The following CPNE8 variants were observed in gnomAD, a reference collection of about 807,000 sequenced individuals.
CPNE8 encodes copine-8.
Under a neutral mutation model 81.5 loss-of-function variants are expected in CPNE8, and 45 were observed. The observed-to-expected ratio is 0.55, with a 90% CI of 0.44 to 0.71. The LOEUF is 0.71. CPNE8 is among the 30% of genes least tolerant of loss of function. The probability of loss-of-function intolerance (pLI) is 0.00; values close to 1 mark genes in which losing one functional copy is unlikely to be tolerated. For missense variants in CPNE8, 594 were observed against 672.1 expected, an observed-to-expected ratio of 0.88 and a Z score of 1.28; for synonymous variants, 252 against 226.3, an observed-to-expected ratio of 1.11 and a Z score of -1.02.
chr12:38,676,601 T>A (rs986993293), intron 17 of CPNE8, among the ~76,000 whole-genome samples: 3 of 152,214 alleles, frequency 2.0e-5, no homozygotes, highest in Non-Finnish European at 4.4e-5. Context: ...AGTACTGTTA[T>A]GCACTAAATA....
intron 10 of CPNE8, among the ~76,000 whole-genome samples, chr12:38,738,637 C>T (rs1439032031): frequency 6.6e-6 from 1 of 152,058 alleles, no homozygotes; most frequent in African/African-American, 2.4e-5. Context: ...TATTTGACAA[C>T]TCAGATCTTT....
At chr12:38,902,383 AAGAAAGAAAG>A in intron 1 of CPNE8, among the ~76,000 whole-genome samples, 1 of 86,622 alleles carries the variant, frequency 1.2e-5, no homozygotes, top group South Asian at 3.4e-4. Context: ...AAAGAAAGAA[AAGAAAGAAAG>A]AGAAAGAAAG....
intron 3 of CPNE8, among the ~76,000 whole-genome samples, chr12:38,863,065 A>G (rs1163740625): frequency 2.0e-5 from 3 of 152,234 alleles, no homozygotes; most frequent in Non-Finnish European, 4.4e-5. Flanking sequence ...TGATTATTGA[A>G]AAGACTAATA....
intron 2 of CPNE8, 80 bp downstream of exon 2, chr12:38,874,391 C>A (rs565872911): frequency 9.4e-6 from 10 of 1,060,968 alleles, no homozygotes; most frequent in Non-Finnish European, 1.5e-5. Context: ...TTAAAACAAA[C>A]CTTTAAACAA....
intron 5 of CPNE8, among the ~76,000 whole-genome samples, chr12:38,839,222 CA>C (rs1175326593): frequency 2.0e-5 from 3 of 152,028 alleles, no homozygotes; most frequent in Non-Finnish European, 4.4e-5. Flanking sequence ...TGGATTAGCA[CA>C]ATGTTTCGCT....
chr12:38,866,394 G>A (rs558879390), intron 3 of CPNE8, among the ~76,000 whole-genome samples: 1 of 152,274 alleles, frequency 6.6e-6, no homozygotes, highest in South Asian at 2.1e-4. Flanking sequence ...CAGTTGTTCT[G>A]CAACATGCAT....
intron 4 of CPNE8, 142 bp downstream of exon 4, chr12:38,848,417 T>C: frequency 7.5e-7 from 1 of 1,331,032 alleles, no homozygotes; most frequent in Non-Finnish European, 9.7e-7. Context: ...GGGGGCTTGC[T>C]TGGGCCACAC....
chr12:38,791,960 T>G (rs1942333478), intron 6 of CPNE8, among the ~76,000 whole-genome samples: 2 of 149,594 alleles, frequency 1.3e-5, no homozygotes, highest in Non-Finnish European at 1.5e-5. Context: ...AAGTAGAAAT[T>G]AACACATTTT....
chr12:38,789,556 G>C (rs956837025), intron 6 of CPNE8, among the ~76,000 whole-genome samples: 1 of 151,360 alleles, frequency 6.6e-6, no homozygotes, highest in Non-Finnish European at 1.5e-5. Context: ...AATTTCTTAG[G>C]TAATATCCCA....
chr12:38,902,125 G>T (rs1352135744), intron 1 of CPNE8, among the ~76,000 whole-genome samples: 1 of 148,746 alleles, frequency 6.7e-6, no homozygotes, highest in Non-Finnish European at 1.5e-5. Context: ...AATGATAGGG[G>T]ACAGTGAAAG....
chr12:38,754,529 T>G (rs1429543346), intron 10 of CPNE8, among the ~76,000 whole-genome samples: 2 of 151,976 alleles, frequency 1.3e-5, no homozygotes, highest in Non-Finnish European at 2.9e-5. Flanking sequence ...GAGTGCTCAA[T>G]AACAATTTCT....
intron 13 of CPNE8, among the ~76,000 whole-genome samples, chr12:38,713,727 G>A (rs146568516): frequency 5.3e-5 from 8 of 152,216 alleles, no homozygotes; most frequent in Admixed American, 2.6e-4. Flanking sequence ...TTAAAATTAT[G>A]TCTCTTTGAA....
intron 6 of CPNE8, among the ~76,000 whole-genome samples, chr12:38,791,466 GA>G (rs1449071845): frequency 1.3e-5 from 2 of 151,080 alleles, no homozygotes; most frequent in Admixed American, 6.6e-5. Flanking sequence ...CTTATTGGTT[GA>G]AAAAAAGGAA....
At chr12:38,721,999 A>G (rs1940577030) in intron 13 of CPNE8, among the ~76,000 whole-genome samples, 2 of 152,118 alleles carry the variant, frequency 1.3e-5, no homozygotes, top group Middle Eastern at 3.2e-3. Flanking sequence ...CAGGCGTGGG[A>G]TGCAGGCTGG....
At chr12:38,902,194 G>C (rs1365209318) in intron 1 of CPNE8, among the ~76,000 whole-genome samples, 2 of 105,628 alleles carry the variant, frequency 1.9e-5, no homozygotes, top group Admixed American at 2.0e-4. Flanking sequence ...AAAGAAAAGA[G>C]AAAGAGAAAA....
At position 38,703,771 on chromosome 12, in the gene CPNE8, A is replaced by G. The variant is rs146278321; in HGVS notation, c.915-850T>C. Among the ~76,000 whole-genome samples the G allele has an allele frequency of 4.7e-4, 72 of 152,286 alleles. 2 individuals carry two copies. The East Asian group carries it at 0.014, about 29-fold the overall frequency. ...GTTTCAGGATACAAAATCATGTACAAAAATCAGTAGCTTGTTTATATACCA... is the reference window on the plus strand; with the variant it reads ...GTTTCAGGATACAAAATCATGTACAGAAATCAGTAGCTTGTTTATATACCA... On this transcript the variant is annotated intron_variant, in intron 13 of 19. Transcript: ENST00000331366.
At chr12:38,714,844 T>G (rs1019174658) in intron 13 of CPNE8, among the ~76,000 whole-genome samples, 1 of 152,042 alleles carries the variant, frequency 6.6e-6, no homozygotes, top group Non-Finnish European at 1.5e-5. Flanking sequence ...ACAATCAAGC[T>G]GGTATTTTCA....
At chr12:38,705,410 C>A (rs1407376753) in intron 13 of CPNE8, among the ~76,000 whole-genome samples, 1 of 152,052 alleles carries the variant, frequency 6.6e-6, no homozygotes, top group Non-Finnish European at 1.5e-5. Context: ...CCTACGGAAA[C>A]AACAACCTTT....
chr12:38,697,093 A>G (rs1201107534), intron 14 of CPNE8, among the ~76,000 whole-genome samples: 3 of 152,202 alleles, frequency 2.0e-5, no homozygotes, highest in African/African-American at 7.2e-5. Context: ...AATGATTGTT[A>G]CTATATTCAT....
Sources: gnomAD v4.1 joint callset for allele counts (sites outside exome capture counted in the v4.1 genomes callset) on GRCh38, gnomAD v4.1.1 for gene constraint, MANE v1.5 for transcripts, NCBI Gene and HGNC (gene_info 2026-07-23, HGNC 2026-07-21) for gene names.